ABCC4: variants seen among roughly 807,000 people sequenced by gnomAD.
ABCC4 encodes ATP-binding cassette sub-family C member 4.
In ABCC4, 102 loss-of-function variants were observed where a neutral mutation model predicts 168.5. The ratio of observed to expected loss-of-function variants is 0.61; its 90% CI spans 0.52 to 0.71. ABCC4 has a LOEUF of 0.71. Among genes scored for constraint, ABCC4 ranks in the 30% least tolerant of loss-of-function variants. ABCC4 has a pLI of 0.00. For synonymous variants in ABCC4, 617 were observed against 590.7 expected (o/e 1.04, Z -0.65); for missense variants, 1,402 against 1,605.8 (o/e 0.87, Z 2.17).
At chr13:95,165,269 C>A (rs1468315488) in intron 15 of ABCC4, among the ~76,000 whole-genome samples, 2 of 152,164 alleles carry the variant, frequency 1.3e-5, no homozygotes, top group African/African-American at 4.8e-5. Flanking sequence ...TGGGGTCAAG[C>A]AGTGAGTCTC....
chr13:95,141,081 C>T (rs1312185769), intron 19 of ABCC4, among the ~76,000 whole-genome samples: 1 of 152,214 alleles, frequency 6.6e-6, no homozygotes, highest in African/African-American at 2.4e-5. Flanking sequence ...CTGCATCCCT[C>T]AGATGAAAAG....
intron 1 of ABCC4, 40 bp from the exon 2 acceptor site, chr13:95,247,793 C>A (rs746094749): frequency 3.2e-6 from 5 of 1,542,016 alleles, no homozygotes; most frequent in Non-Finnish European, 3.6e-6. Context: ...CAGAATTACA[C>A]ATCCGTGTTT....
intron 1 of ABCC4, chr13:95,269,558 G>A (rs1200520514): frequency 1.3e-5 from 2 of 156,330 alleles, no homozygotes; most frequent in Non-Finnish European, 1.4e-5. Context: ...CTGGAATTGA[G>A]ACAGGACACA....
chr13:95,196,606 A>G (rs1195909159), intron 8 of ABCC4, among the ~76,000 whole-genome samples: 2 of 6,966 alleles, frequency 2.9e-4, no homozygotes, highest in African/African-American at 1.2e-3. Flanking sequence ...GGAAGGAAGG[A>G]AGGAAGGAAG....
chr13:95,262,926 C>T (rs2040571290), intron 1 of ABCC4, among the ~76,000 whole-genome samples: 1 of 152,082 alleles, frequency 6.6e-6, no homozygotes, highest in Admixed American at 6.6e-5. Context: ...TGAGCTACCA[C>T]GCCCAGCTGA....
At chr13:95,268,602 T>A (rs1345326668) in intron 1 of ABCC4, among the ~76,000 whole-genome samples, 1 of 152,218 alleles carries the variant, frequency 6.6e-6, no homozygotes, top group Non-Finnish European at 1.5e-5. Flanking sequence ...GAAAACCACC[T>A]TAGGGCTAGA....
At chr13:95,183,501 G>A (rs749742806) in intron 11 of ABCC4, among the ~76,000 whole-genome samples, 16 of 152,118 alleles carry the variant, frequency 1.1e-4, no homozygotes, top group Non-Finnish European at 1.8e-4. Flanking sequence ...CTGCTAAACA[G>A]TCATAAATGG....
At chr13:95,054,020 CCTTTTTTTTTTTTTTTTTTTTTTTTTTT>C (rs2032958244) in intron 26 of ABCC4, 1 of 73,166 alleles carries the variant, frequency 1.4e-5, no homozygotes, top group Non-Finnish European at 2.4e-5. Context: ...AATGGGACAT[CCTTTTTTTTTTTTTTTTTTTTTTTTTTT>C]TTTTTTTTTT....
intron 11 of ABCC4, among the ~76,000 whole-genome samples, chr13:95,182,517 T>C (rs2037930361): frequency 6.6e-6 from 1 of 152,226 alleles, no homozygotes; most frequent in Non-Finnish European, 1.5e-5. Flanking sequence ...ATGGAAGTTA[T>C]ATACTCAGAT....
intron 8 of ABCC4, among the ~76,000 whole-genome samples, chr13:95,204,700 A>G (rs1026274080): frequency 1.3e-5 from 2 of 152,172 alleles, no homozygotes; most frequent in South Asian, 4.1e-4. Flanking sequence ...GATTAATACA[A>G]CAGGCAACAT....
At position 95,034,571 on chromosome 13, in the gene ABCC4, A is replaced by G. The variant is rs766453938; in HGVS notation, c.3870+34T>C. On this transcript the variant is annotated intron_variant, in intron 30 of 30. Coordinates refer to ENST00000645237, the MANE Select transcript of ABCC4 (RefSeq NM_005845.5). ...ATTGTGCGGAGGGAGCCGCTGAGACAAACTTTAATTACAACTCCTTGGAGC... is the reference window on the plus strand; with the variant it reads ...ATTGTGCGGAGGGAGCCGCTGAGACGAACTTTAATTACAACTCCTTGGAGC... 18 of 1,604,308 alleles carry G rather than the reference A, an allele frequency of 1.1e-5. No homozygotes were observed. In the South Asian group the frequency reaches 2.0e-4, roughly 18 times the overall value.
intron 1 of ABCC4, among the ~76,000 whole-genome samples, chr13:95,270,487 T>A (rs1466840895): frequency 6.6e-6 from 1 of 152,168 alleles, no homozygotes; most frequent in African/African-American, 2.4e-5. Flanking sequence ...CCTTCTCCCA[T>A]CATTCCTGGC....
At chr13:95,032,988 G>C (rs1374338853) in intron 30 of ABCC4, among the ~76,000 whole-genome samples, 1 of 16,346 alleles carries the variant, frequency 6.1e-5, no homozygotes, top group Admixed American at 6.5e-4. Context: ...TTTTTTTTTT[G>C]AGATGGTGTC....
chr13:95,156,019 T>G (rs1272783590), intron 19 of ABCC4, among the ~76,000 whole-genome samples: 1 of 152,224 alleles, frequency 6.6e-6, no homozygotes, highest in South Asian at 2.1e-4. Flanking sequence ...TGCAAACTCA[T>G]GCTTACAAAG....
chr13:95,211,534 G>A (rs571527729), intron 4 of ABCC4, among the ~76,000 whole-genome samples: 1 of 152,264 alleles, frequency 6.6e-6, no homozygotes, highest in South Asian at 2.1e-4. Flanking sequence ...GGAGGCTGCT[G>A]AATAAAGAAC....
At chr13:95,142,594 AT>A (rs930159229) in intron 19 of ABCC4, among the ~76,000 whole-genome samples, 4 of 151,322 alleles carry the variant, frequency 2.6e-5, no homozygotes, top group Non-Finnish European at 5.9e-5. Context: ...AAAAAAAAAA[AT>A]TTTTAAATTT....
chr13:95,293,760 C>T (rs2041459867), intron 1 of ABCC4, among the ~76,000 whole-genome samples: 1 of 148,230 alleles, frequency 6.7e-6, no homozygotes, highest in African/African-American at 2.5e-5. Flanking sequence ...CCACCGCACC[C>T]AGCCTGGACT....
rs57517042 is a variant in ABCC4 at position 95,061,594 on chromosome 13, TTGTGTG to T, written c.3366+1104_3366+1109del. 2.7e-3 allele frequency among the ~76,000 whole-genome samples: 367 copies of T among 133,940 alleles called. 1 individual carries two copies. The highest frequency in any genetic ancestry group is 7.8e-3 in the African/African-American group (275 of 35,166). The allele number at this position is 133,940 out of a possible 152,430, so 87.9% of individuals were successfully genotyped here. ...TGTTTCTCTTCTCCAGAATATGTGT[TTGTGTG>T]TGTGTGTGTGTGTGTGTGTGTGTGT... On this transcript the variant is annotated intron_variant, in intron 26 of 30. Coordinates refer to ENST00000645237, the MANE Select transcript of ABCC4 (RefSeq NM_005845.5).
intron 3 of ABCC4, among the ~76,000 whole-genome samples, chr13:95,244,297 T>G (rs7329555): frequency 0.53 from 80,841 of 151,572 alleles, 22,180 homozygotes; most frequent in African/African-American, 0.66. Flanking sequence ...AAAAGTAGGG[T>G]TAAAAGAATG....
Sources: gnomAD v4.1 joint callset for allele counts (sites outside exome capture counted in the v4.1 genomes callset) on GRCh38, gnomAD v4.1.1 for gene constraint, MANE v1.5 for transcripts, NCBI Gene and HGNC (gene_info 2026-07-23, HGNC 2026-07-21) for gene names.